Variants in STPG2 observed in about 807,000 individuals in gnomAD.
The protein encoded by STPG2 is sperm-tail PG-rich repeat-containing protein 2.
STPG2 carries 56 observed loss-of-function variants against 54.2 expected under a neutral mutation model. The ratio of observed to expected loss-of-function variants is 1.03; its 90% confidence interval spans 0.83 to 1.29. STPG2 has a LOEUF of 1.29. STPG2 is among the 50% of genes most tolerant of loss of function. The pLI, the probability that STPG2 is intolerant of heterozygous loss-of-function variation, is 0.00. For missense variants in STPG2, 596 were observed against 544.9 expected, an observed-to-expected ratio of 1.09 and a Z score of -0.93; for synonymous variants, 200 against 181.8, an observed-to-expected ratio of 1.10 and a Z score of -0.81.
chr4:98,004,587 C>A (rs560130030), intron 5 of STPG2, among the ~76,000 whole-genome samples: 3 of 152,232 alleles, frequency 2.0e-5, no homozygotes, highest in African/African-American at 7.2e-5. Flanking sequence ...ACGGCTGTAC[C>A]AATTTATGTT....
chr4:98,095,942 A>G (rs1738844922), intron 5 of STPG2, among the ~76,000 whole-genome samples: 1 of 152,238 alleles, frequency 6.6e-6, no homozygotes, highest in African/African-American at 2.4e-5. Context: ...AATTCAAAAA[A>G]ATGAAATCAT....
chr4:97,664,610 G>A (rs910700462), intron 10 of STPG2, among the ~76,000 whole-genome samples: 1 of 152,130 alleles, frequency 6.6e-6, no homozygotes, highest in Non-Finnish European at 1.5e-5. Flanking sequence ...TCTTAGGCAA[G>A]GCATTTTTAA....
chr4:97,897,516 C>T (rs1324295309), intron 8 of STPG2, among the ~76,000 whole-genome samples: 3 of 152,124 alleles, frequency 2.0e-5, no homozygotes, highest in East Asian at 3.9e-4. Context: ...AATTTACACT[C>T]CCACTAACAG....
At chr4:97,688,658 G>C (rs1299715589) in intron 10 of STPG2, among the ~76,000 whole-genome samples, 1 of 152,076 alleles carries the variant, frequency 6.6e-6, no homozygotes. Flanking sequence ...ATGTCCAATA[G>C]GTATCAGATT....
chr4:98,101,321 T>C (rs919266990), intron 5 of STPG2, among the ~76,000 whole-genome samples: 2 of 152,162 alleles, frequency 1.3e-5, no homozygotes, highest in Non-Finnish European at 2.9e-5. Context: ...GAGACATTTT[T>C]CCCATGCATT....
chr4:98,044,710 T>C (rs1246930356), intron 5 of STPG2, among the ~76,000 whole-genome samples: 2 of 152,158 alleles, frequency 1.3e-5, no homozygotes, highest in Non-Finnish European at 2.9e-5. Flanking sequence ...AAACAGTCTA[T>C]TGGGAAGAAA....
intron 9 of STPG2, among the ~76,000 whole-genome samples, chr4:97,720,803 C>A (rs1000944594): frequency 6.6e-6 from 1 of 151,910 alleles, no homozygotes; most frequent in Non-Finnish European, 1.5e-5. Flanking sequence ...TACCACACTG[C>A]TAGTTGTCAA....
chr4:97,965,602 C>T (rs982752073), intron 7 of STPG2, among the ~76,000 whole-genome samples: 1 of 152,200 alleles, frequency 6.6e-6, no homozygotes, highest in African/African-American at 2.4e-5. Flanking sequence ...GGCTAACAGA[C>T]AGCTCATACA....
At chr4:97,731,893 C>T (rs922702158) in intron 9 of STPG2, among the ~76,000 whole-genome samples, 10 of 152,174 alleles carry the variant, frequency 6.6e-5, no homozygotes, top group Admixed American at 1.3e-4. Flanking sequence ...CCCCTTTGTC[C>T]TCTGGTCCCT....
At chr4:97,447,545 C>T (rs980003493) in intron 4 of STPG2, among the ~76,000 whole-genome samples, 21 of 151,744 alleles carry the variant, frequency 1.4e-4, no homozygotes, top group African/African-American at 4.9e-4. Flanking sequence ...TGTCCTATGA[C>T]CCAGATGCTT....
chr4:97,563,370 T>G (rs1304584455), intron 10 of STPG2, among the ~76,000 whole-genome samples: 5 of 152,058 alleles, frequency 3.3e-5, no homozygotes, highest in African/African-American at 1.2e-4. Flanking sequence ...TCAATTTTGT[T>G]GATCCTTTCA....
chr4:97,781,259 A>T (rs1726600160), intron 9 of STPG2, among the ~76,000 whole-genome samples: 1 of 152,210 alleles, frequency 6.6e-6, no homozygotes, highest in African/African-American at 2.4e-5. Context: ...ATCACCACTG[A>T]TCCCACAGAA....
intron 4 of STPG2, among the ~76,000 whole-genome samples, chr4:97,497,983 C>T (rs1400551204): frequency 4.0e-5 from 6 of 151,842 alleles, no homozygotes; most frequent in African/African-American, 1.5e-4. Context: ...GTTCCCCTGA[C>T]TGTGTGCAGG....
chr4:97,597,616 G>T (rs753184714), intron 10 of STPG2, among the ~76,000 whole-genome samples: 3 of 151,872 alleles, frequency 2.0e-5, no homozygotes, highest in Non-Finnish European at 2.9e-5. Context: ...TACATAAACA[G>T]AAATAAAATA....
chr4:97,493,878 G>A (rs1730555046), intron 4 of STPG2, among the ~76,000 whole-genome samples: 1 of 151,468 alleles, frequency 6.6e-6, no homozygotes, highest in Admixed American at 6.6e-5. Context: ...TTGCAAAGAT[G>A]GAATCCATAA....
intron 8 of STPG2, among the ~76,000 whole-genome samples, chr4:97,867,288 A>AT (rs1232666094): frequency 5.3e-5 from 8 of 151,590 alleles, no homozygotes; most frequent in African/African-American, 1.7e-4. Flanking sequence ...CTAGATGTGT[A>AT]TTTTTTACTT....
downstream of STPG2, among the ~76,000 whole-genome samples, chr4:97,557,186 A>C (rs565604812): frequency 9.2e-5 from 14 of 152,284 alleles, no homozygotes; most frequent in African/African-American, 1.9e-4. Flanking sequence ...TCAAAAAAAA[A>C]ACAAAATACT....
At chr4:97,676,427 A>T (rs1177732738) in intron 10 of STPG2, among the ~76,000 whole-genome samples, 1 of 152,056 alleles carries the variant, frequency 6.6e-6, no homozygotes, top group Non-Finnish European at 1.5e-5. Flanking sequence ...TATTCCCTGT[A>T]TTAAATTAAT....
At chr4:97,487,788 C>T (rs1413633502) in intron 4 of STPG2, among the ~76,000 whole-genome samples, 1 of 151,126 alleles carries the variant, frequency 6.6e-6, no homozygotes, top group African/African-American at 2.4e-5. Flanking sequence ...ATTAATGGTA[C>T]ATAAAAACAC....
Sources: gnomAD v4.1 joint callset for allele counts (sites outside exome capture counted in the v4.1 genomes callset) on GRCh38, gnomAD v4.1.1 for gene constraint, MANE v1.5 for transcripts, NCBI Gene and HGNC (gene_info 2026-07-23, HGNC 2026-07-21) for gene names.